Variants in CELSR2 observed in about 807,000 individuals in gnomAD.
CELSR2 encodes cadherin EGF LAG seven-pass G-type receptor 2.
A neutral mutation model predicts 251.6 loss-of-function variants in CELSR2; 81 were observed. That is an observed-to-expected ratio of 0.32 (90% confidence interval 0.27 to 0.39). CELSR2 has a LOEUF of 0.39. Among genes scored for constraint, CELSR2 ranks in the 10% least tolerant of loss-of-function variants. The pLI, the probability that CELSR2 is intolerant of heterozygous loss-of-function variation, is 1.00. For synonymous variants in CELSR2, 1,721 were observed against 1,670.5 expected, an observed-to-expected ratio of 1.03 and a Z score of -0.74; for missense variants, 3,365 against 3,947.7, an observed-to-expected ratio of 0.85 and a Z score of 3.96.
intron 9 of CELSR2, 129 bp downstream of exon 9, chr1:109,263,906 G>T: frequency 7.1e-7 from 1 of 1,400,722 alleles, no homozygotes; most frequent in East Asian, 2.4e-5. Context: ...TGGATCCGTT[G>T]GGAAGGTCAA....
intron 33 of CELSR2, 140 bp from the exon 34 acceptor site, chr1:109,273,870 CGGCGCAGCCCAG>C: frequency 2.5e-6 from 3 of 1,183,276 alleles, no homozygotes; most frequent in Non-Finnish European, 3.8e-6. Flanking sequence ...AGGCTCTACG[CGGCGCAGCCCAG>C]CCTAGGGCAG....
intron 1 of CELSR2, among the ~76,000 whole-genome samples, chr1:109,256,146 C>T (rs371804825): frequency 6.6e-6 from 1 of 152,156 alleles, no homozygotes; most frequent in East Asian, 1.9e-4. Context: ...GAGCTCTGTG[C>T]CAGCTGAGCA....
chr1:109,273,816 G>A (rs759876598), intron 33 of CELSR2, 146 bp downstream of exon 33: 153 of 974,836 alleles, frequency 1.6e-4, no homozygotes, highest in Non-Finnish European at 2.0e-4. Flanking sequence ...TTACTATGCC[G>A]TGCCCACAAA....
In CELSR2 at chr1:109,267,560, G is replaced by T. The variant is rs765429548; in HGVS notation, c.6026G>T (p.Arg2009Leu). ...CPKGSFGTAV[R>L]HCDEHRGWLP... is the part of the protein sequence containing the mutation. ...TTCCTTCCCCCAGGGACTGCTGTGC[G>T]CCACTGTGATGAGCACAGGGGGTGG... The change falls in exon 16 of 34, where the codon CGC becomes CTC. Residue 2009 changes from arginine (R) to leucine (L), a missense_variant. By Grantham distance (102) the Arg-to-Leu change is moderately radical (BLOSUM62 -2). Coordinates refer to ENST00000271332, the MANE Select transcript of CELSR2 (RefSeq NM_001408.3). The T allele has an allele frequency of 6.2e-7, 1 of 1,614,026 alleles. No homozygotes were observed. The highest frequency in any genetic ancestry group is 2.2e-5 in the East Asian group (1 of 44,880).
rs1470665663 is a variant in CELSR2 at position 109,251,880 on chromosome 1, C to T, written c.1801C>T (p.Leu601=). ...TASASVSVTV[L]DVNDNNPTFT... is the part of the protein sequence containing the mutation. ...CTCGGCCAGTGTCAGCGTGACTGTC[C>T]TGGATGTCAACGACAACAATCCAAC... The change falls in exon 1 of 34, where the codon CTG becomes TTG. Residue 601 remains leucine, a synonymous_variant. Coordinates refer to ENST00000271332, the MANE Select transcript of CELSR2 (RefSeq NM_001408.3). The surrounding 1 kb of genome is among the most constrained non-coding windows in gnomAD (Gnocchi z 4.9). 1 of 1,613,994 alleles carries T rather than the reference C, an allele frequency of 6.2e-7. No individual in the cohort carries two copies. The highest frequency in any genetic ancestry group is 8.5e-7 in the Non-Finnish European group (1 of 1,180,038).
chr1:109,253,086 C>T lies in CELSR2; in HGVS notation c.3007C>T (p.Leu1003=), dbSNP rs202079600. The change falls in exon 1 of 34, where the codon CTG becomes TTG. Residue 1003 remains leucine (L), a synonymous_variant. Transcript: ENST00000271332. The part of the protein sequence containing the change: ...VLVIQATSAP[L]VSRATVHVRL... ...GGTCATCCAGGCCACGTCAGCTCCT[C>T]TGGTGAGCCGGGCTACAGTCCACGT... 158 of 1,613,638 alleles carry T rather than the reference C, an allele frequency of 9.8e-5. No homozygotes were observed. Among genetic ancestry groups the T allele is most frequent in the Non-Finnish European group, 1.2e-4 (143 of 1,180,046 alleles).
In CELSR2 at chr1:109,264,146, G is replaced by T; in HGVS notation, c.5070G>T (p.Glu1690Asp). The change falls in exon 10 of 34, where the codon GAG becomes GAT. Residue 1690 changes from glutamate (E) to aspartate (D), a missense_variant. Coordinates refer to ENST00000271332, the MANE Select transcript of CELSR2 (RefSeq NM_001408.3). ...TGLQASSLRLEPGRANDGDWH... is the reference protein window; with the variant it reads ...TGLQASSLRLDPGRANDGDWH... ...TTCAGGCCTCCTCTCTCCGTCTGGA[G>T]CCAGGCCGGGCCAATGACGGTGACT... 6.2e-7 allele frequency: 1 copy of T among 1,607,584 alleles called. No homozygotes were observed.
In CELSR2 at chr1:109,269,498, G is replaced by C. The variant is rs1047956409; in HGVS notation, c.6887G>C (p.Arg2296Pro). ...CATGATGATGAGGAGCTTCTGCCCC[G>C]GGCCCTGGACAAACCCGTCACGGTG... ...SVHDDEELLP[R>P]ALDKPVTVQF... The change falls in exon 21 of 34, where the codon CGG (arginine) becomes CCG (proline). Residue 2296 changes from arginine to proline, a missense_variant. By Grantham distance (103) the Arg-to-Pro change is moderately radical. Coordinates refer to ENST00000271332, the MANE Select transcript of CELSR2 (RefSeq NM_001408.3). This position sits in a 1 kb window ranked among gnomAD's most constrained non-coding sequence, Gnocchi z 6.4. 6.2e-7 allele frequency: 1 copy of C among 1,614,048 alleles called. No individual in the cohort carries two copies. The highest frequency in any genetic ancestry group is 8.5e-7 in the Non-Finnish European group (1 of 1,180,022).
At position 109,251,814 on chromosome 1, in the gene CELSR2, G is replaced by C; in HGVS notation, c.1735G>C (p.Gly579Arg). 3 of 1,614,076 alleles carry C rather than the reference G, an allele frequency of 1.9e-6. No homozygotes were observed. The highest frequency in any genetic ancestry group is 1.3e-5 in the African/African-American group (1 of 75,014). The change falls in exon 1 of 34, where the codon GGG (glycine) becomes CGG (arginine). Residue 579 changes from glycine (G) to arginine (R), a missense_variant. Gly to Arg is a moderately radical substitution (Grantham distance 125). Transcript: ENST00000271332. This position sits in a 1 kb window ranked among gnomAD's most constrained non-coding sequence, Gnocchi z 4.9. ...GGAGGAAGTTGATTTCTACAGCTTTGGGGTAGAAGCTCGAGACCATGGCAC... is the reference window on the plus strand; with the variant it reads ...GGAGGAAGTTGATTTCTACAGCTTTCGGGTAGAAGCTCGAGACCATGGCAC... ...DREEVDFYSF[G>R]VEARDHGTPA...
chr1:109,269,241 C>T lies in CELSR2; in HGVS notation c.6763C>T (p.Leu2255=). The T allele has an allele frequency of 6.2e-7, 1 of 1,613,074 alleles. No homozygotes were observed. Among genetic ancestry groups the T allele is most frequent in the Non-Finnish European group, 8.5e-7 (1 of 1,179,938 alleles). Residue 2255 remains leucine, a synonymous_variant, in exon 20 of 34, where the codon CTG becomes TTG. Transcript: ENST00000271332. This position sits in a 1 kb window ranked among gnomAD's most constrained non-coding sequence, Gnocchi z 6.4. ...GGCCAGCGTCATCATCTACCGCACC[C>T]TGGCCGGGCTACTGCCTCATAACTA... The part of the protein sequence containing the change: ...AVASVIIYRT[L]AGLLPHNYDP...
chr1:109,258,463 G>T lies in CELSR2; in HGVS notation c.3342G>T (p.Ala1114=). ...TACACAGCGTGACCGCCCAGTGCGC[G>T]CTGCGTGTGACCATCATCACCGATG... The part of the protein sequence containing the change: ...DGVHSVTAQC[A]LRVTIITDEM... The change falls in exon 2 of 34, where the codon GCG becomes GCT. Residue 1114 remains alanine (A), a synonymous_variant. Coordinates refer to ENST00000271332, the MANE Select transcript of CELSR2 (RefSeq NM_001408.3). 2 of 1,603,348 alleles carry T rather than the reference G, an allele frequency of 1.2e-6. No homozygotes were observed. The highest frequency in any genetic ancestry group is 4.5e-5 in the East Asian group (2 of 44,426).
Position 109,265,318 on chromosome 1 carries a change from G to T in CELSR2, c.5727+7G>T, listed in dbSNP as rs1283496534. ...CGGCGAGTGCCACTGCAAGGTGACAGCCCCAAGCAAGCCTCCACTGTGGCC... is the reference window on the plus strand; with the variant it reads ...CGGCGAGTGCCACTGCAAGGTGACATCCCCAAGCAAGCCTCCACTGTGGCC... On this transcript the variant is annotated splice_region_variant and intron_variant, in intron 13 of 33. Coordinates refer to ENST00000271332, the MANE Select transcript of CELSR2 (RefSeq NM_001408.3). 1.3e-6 allele frequency: 2 copies of T among 1,593,794 alleles called. No homozygotes were observed. Among genetic ancestry groups the T allele is most frequent in the Non-Finnish European group, 1.7e-6 (2 of 1,169,334 alleles).
Position 109,265,779 on chromosome 1 carries a change from T to C in CELSR2, c.5772T>C (p.Cys1924=). ...CAGGCAGCCCCACCTGCCTCTTGTG[T>C]GACTGCTACCCCACAGGCTCCTTGT... The part of the protein sequence containing the change: ...RPPGSPTCLL[C]DCYPTGSLSR... The change falls in exon 14 of 34, where the codon TGT becomes TGC. Residue 1924 remains cysteine (C), a synonymous_variant. Transcript: ENST00000271332. 1 of 1,613,854 alleles carries C rather than the reference T, an allele frequency of 6.2e-7. No homozygotes were observed. The highest frequency in any genetic ancestry group is 8.5e-7 in the Non-Finnish European group (1 of 1,179,794).
chr1:109,263,884 T>C, intron 9 of CELSR2, 107 bp downstream of exon 9: 1 of 1,439,290 alleles, frequency 6.9e-7, no homozygotes, highest in South Asian at 1.4e-5. Context: ...GGTGGGGACA[T>C]ATAGAGGCCG....
Position 109,273,180 on chromosome 1 carries a change from C to G in CELSR2, c.8353C>G (p.Pro2785Ala), listed in dbSNP as rs547393941. 1 of 1,609,476 alleles carries G rather than the reference C, an allele frequency of 6.2e-7. No individual in the cohort carries two copies. Among genetic ancestry groups the G allele is most frequent in the South Asian group, 1.1e-5 (1 of 90,514 alleles). ...TTCCCCACCAGATGGGGGCCCAGGG[C>G]CTGGCAAGGCCCCCTGGCCAGGAGA... ...HSTPKDGGPGPGKAPWPGDFG... is the reference protein window; with the variant it reads ...HSTPKDGGPGAGKAPWPGDFG... The change falls in exon 32 of 34, where the codon CCT becomes GCT. Residue 2785 changes from proline to alanine, a missense_variant. By Grantham distance (27) the Pro-to-Ala change is conservative. Around this residue, in one of 5 missense-constraint regions of CELSR2, gnomAD observed 2,093 missense variants for 2,382.8 expected, o/e 0.88. Transcript: ENST00000271332.
At chr1:109,258,358 TTGG>T in intron 1 of CELSR2, 71 bp from the exon 2 acceptor site, 1 of 1,095,266 alleles carries the variant, frequency 9.1e-7, no homozygotes. Flanking sequence ...AGAGCCTTTC[TTGG>T]TGGGTGGTGC....
In CELSR2 at chr1:109,269,475, T is replaced by A; in HGVS notation, c.6864T>A (p.His2288Gln). Residue 2288 changes from histidine to glutamine, a missense_variant, in exon 21 of 34, where the codon CAT becomes CAA. Physicochemically the swap from His to Gln is conservative, Grantham distance 24. Around this residue, in one of 5 missense-constraint regions of CELSR2, gnomAD observed 2,093 missense variants for 2,382.8 expected, o/e 0.88. Transcript: ENST00000271332. The surrounding 1 kb of genome is among the most constrained non-coding windows in gnomAD (Gnocchi z 6.4). ...CACCCGTGGTGAGCATCAGCGTCCA[T>A]GATGATGAGGAGCTTCTGCCCCGGG... ...INTPVVSISVHDDEELLPRAL... is the reference protein window; with the variant it reads ...INTPVVSISVQDDEELLPRAL... 6.2e-7 allele frequency: 1 copy of A among 1,614,048 alleles called. No homozygotes were observed. Among genetic ancestry groups the A allele is most frequent in the East Asian group, 2.2e-5 (1 of 44,872 alleles).
chr1:109,256,568 A>T (rs952483011), intron 1 of CELSR2, among the ~76,000 whole-genome samples: 10 of 152,204 alleles, frequency 6.6e-5, no homozygotes, highest in Admixed American at 4.6e-4. Context: ...CACCCCAGAA[A>T]CATGGGCTCC....
rs1655926515 is a variant in CELSR2 at position 109,258,556 on chromosome 1, G to A, written c.3435G>A (p.Leu1145=). The A allele has an allele frequency of 3.1e-6, 5 of 1,604,806 alleles. No individual in the cohort carries two copies. The highest frequency in any genetic ancestry group is 4.3e-6 in the Non-Finnish European group (5 of 1,176,144). The change falls in exon 2 of 34, where the codon CTG becomes CTA. Residue 1145 remains leucine, a synonymous_variant. Coordinates refer to ENST00000271332, the MANE Select transcript of CELSR2 (RefSeq NM_001408.3). ...CACCCGAGCGCTTCCTGTCACCACT[G>A]CTAGGCCTCTTCATCCAGGCGGTGG... ...DMSPERFLSP[L]LGLFIQAVAA... is the part of the protein sequence containing the mutation.
Sources: allele counts gnomAD v4.1 joint callset (sites outside exome capture counted in the v4.1 genomes callset), GRCh38; gene constraint gnomAD v4.1.1; regional missense constraint gnomAD v4.1.1; non-coding constraint Gnocchi (gnomAD v3.1); transcripts MANE v1.5; gene names NCBI Gene and HGNC (gene_info 2026-07-23, HGNC 2026-07-21).